The following C13orf46 variants were observed in gnomAD, a reference collection of about 807,000 sequenced individuals.
C13orf46 encodes the protein uncharacterized protein C13orf46.
chr13:113,934,765 G>A, the C13orf46 span, among the ~76,000 whole-genome samples: 5 of 152,240 alleles, frequency 3.3e-5, no homozygotes, highest in Non-Finnish European at 7.3e-5. Flanking sequence ...GCGGAGATGT[G>A]CTGTGAGCCA....
chr13:113,945,239 C>A, the C13orf46 span, among the ~76,000 whole-genome samples: 4 of 152,112 alleles, frequency 2.6e-5, no homozygotes, highest in African/African-American at 9.7e-5. Flanking sequence ...ACTTTGTGCC[C>A]TCTCCCAGGC....
the C13orf46 span, among the ~76,000 whole-genome samples, chr13:113,941,836 G>A: frequency 6.6e-6 from 1 of 152,180 alleles, no homozygotes; most frequent in Non-Finnish European, 1.5e-5. Flanking sequence ...CTAGGCCTCC[G>A]CATGTCACCT....
At chr13:113,969,954 G>A (rs1335081070) in intron 2 of C13orf46, among the ~76,000 whole-genome samples, 2 of 152,160 alleles carry the variant, frequency 1.3e-5, no homozygotes, top group Non-Finnish European at 2.9e-5. Context: ...GGTGGGTCCT[G>A]TTCCCACGCT....
chr13:113,962,796 G>C (rs1468111308), intron 6 of C13orf46, among the ~76,000 whole-genome samples: 1 of 152,200 alleles, frequency 6.6e-6, no homozygotes, highest in Admixed American at 6.5e-5. Context: ...TGTGTGCCGA[G>C]TGCCAAATCC....
the C13orf46 span, among the ~76,000 whole-genome samples, chr13:113,934,261 C>T: frequency 2.0e-5 from 3 of 152,298 alleles, 1 homozygote; most frequent in South Asian, 6.2e-4. Flanking sequence ...GGGCTGTTCC[C>T]AGGTTTTCGC....
At chr13:113,964,162 T>C (rs2052614962) in intron 6 of C13orf46, among the ~76,000 whole-genome samples, 1 of 152,244 alleles carries the variant, frequency 6.6e-6, no homozygotes, top group Admixed American at 6.5e-5. Flanking sequence ...GACTGTTTTA[T>C]AAAGCCGATA....
chr13:113,935,725 C>T, the C13orf46 span, among the ~76,000 whole-genome samples: 72 of 152,260 alleles, frequency 4.7e-4, no homozygotes, highest in African/African-American at 1.5e-3. Flanking sequence ...GTTTTCCTGC[C>T]GGGAATGCAT....
At chr13:113,966,607 GTGA>G (rs1325484379) in intron 5 of C13orf46, among the ~76,000 whole-genome samples, 75 of 150,510 alleles carry the variant, frequency 5.0e-4, no homozygotes, top group Middle Eastern at 3.5e-3. Context: ...GATGGTGACA[GTGA>G]TGATGGTCAT....
At chr13:113,950,263 G>T (rs1251055250), downstream of C13orf46, among the ~76,000 whole-genome samples, 29 of 125,334 alleles carry the variant, frequency 2.3e-4, no homozygotes, top group Admixed American at 2.3e-3. Context: ...CCCCTGCCTC[G>T]GGCACCTCGG....
intron 2 of C13orf46, among the ~76,000 whole-genome samples, chr13:113,969,414 A>C (rs2052680878): frequency 6.6e-6 from 1 of 152,220 alleles, no homozygotes; most frequent in African/African-American, 2.4e-5. Flanking sequence ...AGCTTCCCTG[A>C]GCTCTACGGA....
chr13:113,958,900 G>A (rs2052564694), intron 6 of C13orf46, among the ~76,000 whole-genome samples: 1 of 152,160 alleles, frequency 6.6e-6, no homozygotes, highest in African/African-American at 2.4e-5. Context: ...CTGGGGCTGT[G>A]CTAGGGCTCA....
the C13orf46 span, among the ~76,000 whole-genome samples, chr13:113,935,899 G>C: frequency 1.3e-5 from 2 of 152,216 alleles, no homozygotes; most frequent in African/African-American, 2.4e-5. Context: ...TATGAATCGT[G>C]ATCACAGACA....
the C13orf46 span, among the ~76,000 whole-genome samples, chr13:113,939,747 T>C: frequency 6.6e-6 from 1 of 152,170 alleles, no homozygotes; most frequent in African/African-American, 2.4e-5. Flanking sequence ...GTGCGCTGTG[T>C]ATCCTGGGCC....
intron 6 of C13orf46, among the ~76,000 whole-genome samples, chr13:113,962,397 CTG>C (rs1189017454): frequency 3.9e-5 from 6 of 152,198 alleles, no homozygotes; most frequent in Admixed American, 2.0e-4. Flanking sequence ...CAGAGTGAGA[CTG>C]TGTCTCAAAA....
chr13:113,949,741 C>T (rs934314509), downstream of C13orf46, among the ~76,000 whole-genome samples: 3 of 152,234 alleles, frequency 2.0e-5, no homozygotes, highest in African/African-American at 7.2e-5. Flanking sequence ...ACAGAGGGAC[C>T]TCGGTGCTCC....
At position 113,955,329 on chromosome 13, in the gene C13orf46, AGAG is replaced by A. The variant is rs1179605751; in HGVS notation, c.*1441_*1443del. ...GGCAGAGAGGAGTAGTATCTGGTGG[AGAG>A]GAGGAGTAGTATCTGGTGGAGAGGA... On this transcript the variant is annotated 3_prime_UTR_variant, in exon 7 of 7. Transcript: ENST00000636427. 1.1e-4 allele frequency: 17 copies of A among 150,118 alleles called. No homozygotes were observed. The highest frequency in any genetic ancestry group is 2.0e-4 in the Non-Finnish European group (15 of 75,682). 9.3% of individuals were successfully genotyped at this position (150,118 alleles called of 1,614,324 possible).
chr13:113,942,375 C>G, the C13orf46 span, among the ~76,000 whole-genome samples: 2 of 152,152 alleles, frequency 1.3e-5, no homozygotes, highest in African/African-American at 4.8e-5. Flanking sequence ...GACAAGACCC[C>G]CATGGATGCC....
chr13:113,931,744 C>T, the C13orf46 span, among the ~76,000 whole-genome samples: 3 of 152,240 alleles, frequency 2.0e-5, no homozygotes, highest in Non-Finnish European at 4.4e-5. Context: ...CTTCCTTCTA[C>T]CTAAATCCAT....
At chr13:113,935,467 G>A in the C13orf46 span, among the ~76,000 whole-genome samples, 2 of 152,252 alleles carry the variant, frequency 1.3e-5, no homozygotes, top group Admixed American at 6.5e-5. Flanking sequence ...TAGCTGCTGC[G>A]GGGCTGAGCT....
Sources: allele counts gnomAD v4.1 joint callset (sites outside exome capture counted in the v4.1 genomes callset), GRCh38; gene constraint gnomAD v4.1.1; transcripts MANE v1.5; gene names NCBI Gene and HGNC (gene_info 2026-07-23, HGNC 2026-07-21).